CYB5R3: variants seen among roughly 807,000 people sequenced by gnomAD.
The protein encoded by CYB5R3 is cytochrome b5 reductase 3, also known as NADH-cytochrome b5 reductase 3.
CYB5R3 carries 28 observed loss-of-function variants against 36.5 expected under a neutral mutation model. That is an observed-to-expected ratio of 0.77 (90% CI 0.57 to 1.05). The LOEUF (loss-of-function observed/expected upper bound fraction) is 1.05. Among genes scored for constraint, CYB5R3 ranks in the 50% least tolerant of loss-of-function variants. The pLI is 0.00. For missense variants in CYB5R3, 474 were observed against 408.9 expected (o/e 1.16, Z -1.37); for synonymous variants, 181 against 159.8 (o/e 1.13, Z -1.00).
intron 7 of CYB5R3, 32 bp downstream of exon 7, chr22:42,627,272 T>C (rs1443490443): frequency 1.3e-6 from 2 of 1,597,626 alleles, no homozygotes; most frequent in Admixed American, 3.3e-5. Context: ...CAGGGTAAGC[T>C]GAGTTTCCCC....
At chr22:42,629,090 G>A (rs897646667) in intron 4 of CYB5R3, among the ~76,000 whole-genome samples, 5 of 152,146 alleles carry the variant, frequency 3.3e-5, no homozygotes, top group Admixed American at 2.6e-4. Context: ...GGTCACCTGT[G>A]AGTTTTTCAT....
At chr22:42,633,397 G>T (rs1299887784) in intron 2 of CYB5R3, 1 of 152,324 alleles carries the variant, frequency 6.6e-6, no homozygotes, top group Non-Finnish European at 1.5e-5. Flanking sequence ...CTCTGCACGG[G>T]GCCCTGGGAT....
At position 42,631,623 on chromosome 22, in the gene CYB5R3, A is replaced by G. The variant is rs1928627041; in HGVS notation, c.154-173T>C. On this transcript the variant is annotated intron_variant, in intron 2 of 8. Transcript: ENST00000352397. ...GCCAAGCACAGATGCACACACATGCACGCTGCGTGTGAGGTGCTGAGGCCA... is the reference window on the plus strand; with the variant it reads ...GCCAAGCACAGATGCACACACATGCGCGCTGCGTGTGAGGTGCTGAGGCCA... The G allele has an allele frequency of 1.9e-5, 13 of 670,544 alleles. No homozygotes were observed. The South Asian group carries it at 2.0e-4, about 10-fold the overall frequency. 41.5% of individuals were successfully genotyped at this position (670,544 alleles called of 1,614,324 possible).
chr22:42,644,593 C>T (rs962654515), intron 1 of CYB5R3: 29 of 1,508,466 alleles, frequency 1.9e-5, no homozygotes, highest in Non-Finnish European at 2.5e-5. Context: ...TTTTCACAGC[C>T]CCTGGTCCCT....
rs5751319 is a variant in CYB5R3 at position 42,644,833 on chromosome 22, C to T, written c.21+4462G>A. Among the ~76,000 whole-genome samples, 99,650 of 151,960 alleles carry T rather than the reference C, an allele frequency of 0.66. 32,982 individuals are homozygous for T. The highest frequency in any genetic ancestry group is 0.88 in the East Asian group (4,522 of 5,162). Reference sequence around the variant, plus strand: ...GAGTTCTGTTTTTCCAGCACAGCTGCGTCAGTGCACAGCCCAGCTTAAGGC... The same window carrying T: ...GAGTTCTGTTTTTCCAGCACAGCTGTGTCAGTGCACAGCCCAGCTTAAGGC... On this transcript the variant is annotated intron_variant, in intron 1 of 8. Coordinates refer to ENST00000352397, the MANE Select transcript of CYB5R3 (RefSeq NM_000398.7).
intron 1 of CYB5R3, among the ~76,000 whole-genome samples, chr22:42,640,954 T>C (rs1355261896): frequency 6.6e-6 from 1 of 152,094 alleles, no homozygotes. Flanking sequence ...ACTCCCAGGT[T>C]GAAGCAATTC....
chr22:42,621,218 G>GTT (rs1491122839), intron 8 of CYB5R3, among the ~76,000 whole-genome samples: 13 of 149,610 alleles, frequency 8.7e-5, no homozygotes, highest in Middle Eastern at 3.4e-3. Flanking sequence ...GTGTGTGTGT[G>GTT]TTTTTAAGAG....
At position 42,628,000 on chromosome 22, in the gene CYB5R3, C is replaced by T. The variant is rs8190447; in HGVS notation, c.463+152G>A. The stretch of plus-strand genomic sequence containing the variant: ...TGCCAGCAACTTACCCCCTCTACAG[C>T]CAGGGAGACTCAGTTCCCAGAGAGG... On this transcript the variant is annotated intron_variant, in intron 5 of 8. Coordinates refer to ENST00000352397, the MANE Select transcript of CYB5R3 (RefSeq NM_000398.7). 330 of 1,162,950 alleles carry T rather than the reference C, an allele frequency of 2.8e-4. 3 individuals carry two copies. In the South Asian group the frequency reaches 3.9e-3, roughly 14 times the overall value. 72.0% of individuals were successfully genotyped at this position (1,162,950 alleles called of 1,614,324 possible).
rs150607528 is a variant in CYB5R3 at position 42,619,776 on chromosome 22, G to A, written c.903C>T (p.Phe301=). ...VGHPTERCFV[F] is the part of the protein sequence containing the mutation. Reference sequence around the variant, plus strand: ...GCCGTGTGACCGTGCCCGGCCCTCAGAAGACGAAGCAGCGCTCCGTGGGGT... The same window carrying A: ...GCCGTGTGACCGTGCCCGGCCCTCAAAAGACGAAGCAGCGCTCCGTGGGGT... The change falls in exon 9 of 9, where the codon TTC becomes TTT. Residue 301 remains phenylalanine, a synonymous_variant. Coordinates refer to ENST00000352397, the MANE Select transcript of CYB5R3 (RefSeq NM_000398.7). 126 of 1,579,408 alleles carry A rather than the reference G, an allele frequency of 8.0e-5. No individual in the cohort carries two copies. Among genetic ancestry groups the A allele is most frequent in the Non-Finnish European group, 1.0e-4 (120 of 1,165,864 alleles).
chr22:42,646,712 C>G (rs8190386), intron 1 of CYB5R3: 2 of 985,616 alleles, frequency 2.0e-6, no homozygotes, highest in South Asian at 4.7e-5. Flanking sequence ...CTGTTCTAAC[C>G]GGGAGGAAGT....
Position 42,630,994 on chromosome 22 carries a change from G to A in CYB5R3, c.227-6C>T, listed in dbSNP as rs190897067. 2 of 1,612,704 alleles carry A rather than the reference G, an allele frequency of 1.2e-6. No homozygotes were observed. The highest frequency in any genetic ancestry group is 3.3e-5 in the Admixed American group (2 of 59,930). Reference sequence around the variant, plus strand: ...CGAGAGGTAGATGTGCTGGCCTGCAGGACAGAACGGGGTCACTCTGGGCCA... The same window carrying A: ...CGAGAGGTAGATGTGCTGGCCTGCAAGACAGAACGGGGTCACTCTGGGCCA... On this transcript the variant is annotated splice_region_variant and splice_polypyrimidine_tract_variant and intron_variant, in intron 3 of 8. Transcript: ENST00000352397.
At chr22:42,626,111 C>G (rs933746218) in intron 7 of CYB5R3, among the ~76,000 whole-genome samples, 34 of 152,290 alleles carry the variant, frequency 2.2e-4, no homozygotes, top group African/African-American at 7.9e-4. Context: ...GAGTTCGAGA[C>G]CAGCCTGGCC....
In CYB5R3 at chr22:42,619,742, GGGCGGGT is replaced by G. The variant is rs1313801065; in HGVS notation, c.*24_*30del. ...GCGTGAACAGGGCGTGGGGTGCGCG[GGGCGGGT>G]GGCCGTGTGACCGTGCCCGGCCCTC... On this transcript the variant is annotated 3_prime_UTR_variant, in exon 9 of 9. Transcript: ENST00000352397. The G allele has an allele frequency of 1.9e-6, 3 of 1,544,230 alleles. No individual in the cohort carries two copies. Among genetic ancestry groups the G allele is most frequent in the Non-Finnish European group, 2.6e-6 (3 of 1,148,136 alleles).
intron 1 of CYB5R3, chr22:42,644,276 C>T (rs897998269): frequency 1.5e-6 from 1 of 650,706 alleles, no homozygotes; most frequent in Non-Finnish European, 2.8e-6. Flanking sequence ...AGCACCTGCC[C>T]CCAGCCCCGG....
intron 4 of CYB5R3, 99 bp from the exon 5 acceptor site, chr22:42,628,380 T>A: frequency 1.3e-6 from 2 of 1,481,936 alleles, no homozygotes; most frequent in Non-Finnish European, 1.9e-6. Flanking sequence ...CAGCTTCTTC[T>A]GAGGCCCACA....
chr22:42,631,263 T>C, intron 3 of CYB5R3, 115 bp downstream of exon 3: 1 of 1,112,726 alleles, frequency 9.0e-7, no homozygotes, highest in Middle Eastern at 2.0e-4. Context: ...AGCTGTCACC[T>C]CCTCCTGAAG....
intron 1 of CYB5R3, chr22:42,644,617 T>C: frequency 6.8e-7 from 1 of 1,481,256 alleles, no homozygotes; most frequent in East Asian, 2.5e-5. Context: ...GGAAACTCCC[T>C]GGGGCAAGTA....
At position 42,631,392 on chromosome 22, in the gene CYB5R3, AG is replaced by A; in HGVS notation, c.211del (p.Leu71TrpfsTer102). ...GCGTGACTCACCGACAGGGAGGCCC[AG>A]GATGTGCTGGGGTGACGGCAGGGCA... ...RFALPSPQHI[L>X]GLPVGQHIYL... On this transcript the variant is annotated frameshift_variant, in exon 3 of 9. Transcript: ENST00000352397. LOFTEE classifies it high-confidence loss of function. The A allele has an allele frequency of 1.3e-6, 2 of 1,551,528 alleles. No homozygotes were observed. The highest frequency in any genetic ancestry group is 1.7e-6 in the Non-Finnish European group (2 of 1,146,934).
At chr22:42,628,358 G>C (rs1601935115) in intron 4 of CYB5R3, 77 bp from the exon 5 acceptor site, 1 of 1,580,782 alleles carries the variant, frequency 6.3e-7, no homozygotes, top group Admixed American at 1.7e-5. Flanking sequence ...TGGGAGACAA[G>C]TGCCTCTTCT....
Sources: gnomAD v4.1 joint callset for allele counts (sites outside exome capture counted in the v4.1 genomes callset) on GRCh38, gnomAD v4.1.1 for gene constraint, MANE v1.5 for transcripts, NCBI Gene and HGNC (gene_info 2026-07-23, HGNC 2026-07-21) for gene names.